Variants in NRXN3 observed in about 807,000 individuals in gnomAD.
NRXN3 encodes the protein neurexin III.
In NRXN3, 32 loss-of-function variants were observed where a neutral mutation model predicts 137.6. That is an observed-to-expected ratio of 0.23 (90% CI 0.18 to 0.31). NRXN3 has a LOEUF of 0.31. Ranked by LOEUF, NRXN3 falls within the 10% of genes least tolerant of loss-of-function variation. The pLI is 1.00. For synonymous variants in NRXN3, 798 were observed against 784.5 expected, an observed-to-expected ratio of 1.02 and a Z score of -0.29; for missense variants, 1,574 against 2,062.5, an observed-to-expected ratio of 0.76 and a Z score of 4.59.
chr14:78,978,759 A>G (rs1323784540), intron 14 of NRXN3, among the ~76,000 whole-genome samples: 1 of 147,854 alleles, frequency 6.8e-6, no homozygotes, highest in Non-Finnish European at 1.5e-5. Context: ...CATCTTATAT[A>G]TAATATATTA....
chr14:79,509,385 G>A (rs1044685582), intron 16 of NRXN3, among the ~76,000 whole-genome samples: 15 of 151,842 alleles, frequency 9.9e-5, no homozygotes, highest in South Asian at 2.1e-4. Context: ...GCATCATGGC[G>A]TGTGCCTGTA....
At chr14:79,766,264 C>A (rs1382050729) in intron 19 of NRXN3, among the ~76,000 whole-genome samples, 2 of 152,060 alleles carry the variant, frequency 1.3e-5, no homozygotes, top group African/African-American at 4.8e-5. Flanking sequence ...CTCTCAGCCT[C>A]TAGGAATGGG....
rs562609495 is a variant in NRXN3 at position 78,760,900 on chromosome 14, G to A, written c.2045-42720G>A. ...ATAGGAGGAATCATGGAAAATACCT[G>A]GTTCTAACAAGATCTTGATTATTGA... is the stretch of plus-strand genomic sequence containing the variant. On this transcript the variant is annotated intron_variant, in intron 8 of 20. Transcript: ENST00000335750. 3.3e-5 allele frequency among the ~76,000 whole-genome samples: 5 copies of A among 152,222 alleles called. No homozygotes were observed. In the South Asian group the frequency reaches 8.3e-4, roughly 25 times the overall value.
intron 1 of NRXN3, chr14:78,231,670 A>G (rs1036005284): frequency 1.3e-5 from 2 of 152,202 alleles, no homozygotes; most frequent in African/African-American, 4.8e-5. Context: ...ATGACTTTGG[A>G]AAAATGACTT....
intron 16 of NRXN3, among the ~76,000 whole-genome samples, chr14:79,663,297 C>T (rs2098543414): frequency 6.6e-6 from 1 of 151,790 alleles, no homozygotes; most frequent in Non-Finnish European, 1.5e-5. Flanking sequence ...TATATCCAGC[C>T]CCTCTGACAT....
chr14:79,004,375 A>G (rs2099547943), intron 15 of NRXN3, among the ~76,000 whole-genome samples: 2 of 152,244 alleles, frequency 1.3e-5, no homozygotes, highest in South Asian at 4.1e-4. Flanking sequence ...CCTCCCGAGT[A>G]GCTGGGACTA....
At chr14:79,525,906 G>A (rs896451611) in intron 16 of NRXN3, among the ~76,000 whole-genome samples, 2 of 152,152 alleles carry the variant, frequency 1.3e-5, no homozygotes, top group Non-Finnish European at 2.9e-5. Flanking sequence ...TTTAGGGACA[G>A]GGTCTCACTC....
chr14:78,575,029 C>T (rs954764789), intron 4 of NRXN3, among the ~76,000 whole-genome samples: 1 of 152,160 alleles, frequency 6.6e-6, no homozygotes, highest in Non-Finnish European at 1.5e-5. Context: ...ATGCTGTTTT[C>T]ATGATAGTGA....
intron 15 of NRXN3, among the ~76,000 whole-genome samples, chr14:79,157,985 G>A (rs1327334133): frequency 6.6e-6 from 1 of 151,598 alleles, no homozygotes; most frequent in East Asian, 1.9e-4. Context: ...GATGAGAAGG[G>A]GATTGTGATT....
At chr14:78,942,427 T>G (rs924143815) in intron 10 of NRXN3, among the ~76,000 whole-genome samples, 2 of 152,150 alleles carry the variant, frequency 1.3e-5, no homozygotes, top group African/African-American at 2.4e-5. Context: ...ATGTCAGACA[T>G]GAAAGATTTG....
intron 19 of NRXN3, among the ~76,000 whole-genome samples, chr14:79,702,208 A>T (rs1363660712): frequency 1.3e-5 from 2 of 152,060 alleles, no homozygotes; most frequent in Non-Finnish European, 2.9e-5. Flanking sequence ...GTTCTGTTTT[A>T]TTTTAAACCA....
chr14:78,256,555 G>A (rs2069645453), intron 2 of NRXN3, among the ~76,000 whole-genome samples: 1 of 152,190 alleles, frequency 6.6e-6, no homozygotes, highest in Non-Finnish European at 1.5e-5. Flanking sequence ...TGCACATCAT[G>A]CACCCCCTTT....
intron 15 of NRXN3, among the ~76,000 whole-genome samples, chr14:78,991,715 A>C (rs375070621): frequency 6.6e-6 from 1 of 152,180 alleles, no homozygotes; most frequent in Non-Finnish European, 1.5e-5. Flanking sequence ...AAATGTCTGC[A>C]TTTTAGGGTA....
chr14:79,470,949 AGAGTGTGTGTGTGTGTGTGT>A (rs1488753169), intron 16 of NRXN3, among the ~76,000 whole-genome samples: 1 of 57,318 alleles, frequency 1.7e-5, no homozygotes, highest in Non-Finnish European at 3.7e-5. Flanking sequence ...AAAGAGAGAG[AGAGTGTGTGTGTGTGTGTGT>A]GTGTGTGTGT....
chr14:78,385,290 AACACACACACAC>A (rs34246142), intron 4 of NRXN3, among the ~76,000 whole-genome samples: 63,153 of 147,364 alleles, frequency 0.43, 13,393 homozygotes, highest in Middle Eastern at 0.52. Flanking sequence ...AACTTTAAGC[AACACACACACAC>A]ACACACACAC....
At chr14:78,414,823 G>A (rs2153668405) in intron 4 of NRXN3, among the ~76,000 whole-genome samples, 1 of 152,280 alleles carries the variant, frequency 6.6e-6, no homozygotes, top group Non-Finnish European at 1.5e-5. Context: ...CGATCTCGGA[G>A]GGGTAGAGAA....
At chr14:79,479,843 G>A (rs1004995723) in intron 16 of NRXN3, among the ~76,000 whole-genome samples, 31 of 152,090 alleles carry the variant, frequency 2.0e-4, no homozygotes, top group African/African-American at 7.2e-4. Context: ...TTTGAATGCA[G>A]TGCGGTAGAA....
intron 1 of NRXN3, among the ~76,000 whole-genome samples, chr14:78,223,505 T>C (rs1417560463): frequency 6.6e-6 from 1 of 152,198 alleles, no homozygotes; most frequent in Non-Finnish European, 1.5e-5. Flanking sequence ...TTCCCCCTTA[T>C]ACTTAGGATG....
chr14:78,964,914 A>G (rs1297638768), intron 11 of NRXN3, among the ~76,000 whole-genome samples: 1 of 152,184 alleles, frequency 6.6e-6, no homozygotes, highest in African/African-American at 2.4e-5. Flanking sequence ...TGTGAATGTC[A>G]GAAACCCAAC....
Sources: gnomAD v4.1 joint callset for allele counts (sites outside exome capture counted in the v4.1 genomes callset) on GRCh38, gnomAD v4.1.1 for gene constraint, MANE v1.5 for transcripts, NCBI Gene and HGNC (gene_info 2026-07-23, HGNC 2026-07-21) for gene names.